ZFHX3: variants seen among roughly 807,000 people sequenced by gnomAD.
ZFHX3 encodes zinc finger homeobox protein 3.
A neutral mutation model predicts 279.1 loss-of-function variants in ZFHX3; 42 were observed. The ratio of observed to expected loss-of-function variants is 0.15; its 90% confidence interval spans 0.12 to 0.19. ZFHX3 has a LOEUF of 0.19. ZFHX3 is among the 10% of genes least tolerant of loss of function. The pLI is 1.00. For missense variants in ZFHX3, 4,981 were observed against 4,754.0 expected (o/e 1.05, Z -1.40); for synonymous variants, 2,293 against 1,957.8 (o/e 1.17, Z -4.52).
intron 3 of ZFHX3, among the ~76,000 whole-genome samples, chr16:73,379,293 C>G (rs2016779308): frequency 6.6e-6 from 1 of 152,096 alleles, no homozygotes; most frequent in African/African-American, 2.4e-5. Context: ...TCTGGAATGC[C>G]TTGGCTTTTT....
chr16:73,386,464 G>A (rs2016904708), intron 3 of ZFHX3, among the ~76,000 whole-genome samples: 1 of 152,088 alleles, frequency 6.6e-6, no homozygotes, highest in African/African-American at 2.4e-5. Context: ...GATGAGATAA[G>A]GCATATAGTG....
intron 3 of ZFHX3, among the ~76,000 whole-genome samples, chr16:73,422,520 C>T: frequency 6.6e-6 from 1 of 152,172 alleles, no homozygotes; most frequent in East Asian, 1.9e-4. Context: ...AATAAAGAGA[C>T]TTTTCCCCAA....
chr16:73,368,843 T>C lies in ZFHX3; in HGVS notation c.-1290-50507A>G, dbSNP rs556466609. ...ACAATTAACTCATGGAGGCAATTAT[T>C]ACCAGCCCCATTTTACTGGTAAGGA... On this transcript the variant is annotated intron_variant, in intron 3 of 17. Transcript: ENST00000641206. Among the ~76,000 whole-genome samples, 7 of 152,338 alleles carry C rather than the reference T, an allele frequency of 4.6e-5. No individual in the cohort carries two copies. In the East Asian group the frequency reaches 7.7e-4, roughly 17 times the overall value.
chr16:73,324,211 G>T (rs189776688), intron 3 of ZFHX3, among the ~76,000 whole-genome samples: 81 of 152,264 alleles, frequency 5.3e-4, no homozygotes, highest in African/African-American at 1.9e-3. Context: ...AAATTCACCT[G>T]GGATTTGTCT....
intron 1 of ZFHX3, among the ~76,000 whole-genome samples, chr16:73,682,685 G>A (rs560055644): frequency 3.3e-5 from 5 of 151,880 alleles, no homozygotes; most frequent in African/African-American, 1.2e-4. Context: ...TACTCGGGAG[G>A]CTGAGGCAGG....
chr16:73,837,114 G>C (rs1243461543), intron 1 of ZFHX3, among the ~76,000 whole-genome samples: 1 of 152,172 alleles, frequency 6.6e-6, no homozygotes, highest in African/African-American at 2.4e-5. Context: ...AATAGAGTAA[G>C]ACAAAGATGG....
chr16:73,888,306 C>T (rs79361179), intron 1 of ZFHX3, among the ~76,000 whole-genome samples: 16,342 of 144,490 alleles, frequency 0.11, 1,170 homozygotes, highest in Middle Eastern at 0.22. Context: ...CCCTCCCCTT[C>T]CCCCCACGGA....
At chr16:73,713,638 T>C (rs1021565620) in intron 1 of ZFHX3, among the ~76,000 whole-genome samples, 1 of 152,026 alleles carries the variant, frequency 6.6e-6, no homozygotes, top group Non-Finnish European at 1.5e-5. Flanking sequence ...CTTTTTTTTT[T>C]TTTTTATACT....
At chr16:73,309,462 C>G (rs1296931968) in intron 4 of ZFHX3, among the ~76,000 whole-genome samples, 2 of 152,126 alleles carry the variant, frequency 1.3e-5, no homozygotes, top group East Asian at 3.8e-4. Flanking sequence ...ACCACAATTT[C>G]TTTATGGAGT....
chr16:73,734,193 A>G (rs1174760129), intron 1 of ZFHX3, among the ~76,000 whole-genome samples: 1 of 152,124 alleles, frequency 6.6e-6, no homozygotes, highest in African/African-American at 2.4e-5. Flanking sequence ...CCACCCTCCC[A>G]CTTCCTGCTG....
At chr16:72,790,417 G>A (rs918806236) in intron 9 of ZFHX3, 2 of 152,174 alleles carry the variant, frequency 1.3e-5, no homozygotes, top group African/African-American at 2.4e-5. Context: ...AGCTGGGGAA[G>A]GAGTTCCATA....
At chr16:73,689,072 A>G (rs2053120803) in intron 1 of ZFHX3, among the ~76,000 whole-genome samples, 1 of 152,228 alleles carries the variant, frequency 6.6e-6, no homozygotes, top group Non-Finnish European at 1.5e-5. Context: ...ATGGCCAAAC[A>G]AAACTTACTG....
At chr16:73,369,555 C>A (rs1044041177) in intron 3 of ZFHX3, among the ~76,000 whole-genome samples, 63 of 152,150 alleles carry the variant, frequency 4.1e-4, no homozygotes, top group African/African-American at 1.2e-3. Flanking sequence ...TCCTGCCTCA[C>A]AGGTTATAGG....
intron 3 of ZFHX3, among the ~76,000 whole-genome samples, chr16:73,449,760 T>C (rs1393828857): frequency 6.6e-6 from 1 of 152,180 alleles, no homozygotes; most frequent in Non-Finnish European, 1.5e-5. Context: ...TCTCATCTTT[T>C]AAGCAAGGAG....
chr16:72,820,758 G>A (rs965883439), intron 5 of ZFHX3, among the ~76,000 whole-genome samples: 2 of 152,300 alleles, frequency 1.3e-5, no homozygotes, highest in Non-Finnish European at 2.9e-5. Flanking sequence ...ACGCTTCCCT[G>A]TGGCTTTATT....
rs1409628716 is a variant in ZFHX3 at position 72,796,497 on chromosome 16, G to A, written c.6185C>T (p.Pro2062Leu). Residue 2062 changes from proline (P) to leucine (L), a missense_variant, in exon 9 of 10, where the codon CCA becomes CTA. Pro to Leu is a moderately conservative substitution (Grantham distance 98). Around this residue, in one of 7 missense-constraint regions of ZFHX3, gnomAD observed 1,751 missense variants for 1,770.0 expected, o/e 0.99. Coordinates refer to ENST00000268489, the MANE Select transcript of ZFHX3 (RefSeq NM_006885.4). The stretch of plus-strand genomic sequence containing the variant: ...GGGTGGGGCTGATGCGGGGATGGCT[G>A]GTGTGGACGCCGGCTGAGGCGGCGC... ...PAAPPQPASTPAIPASAPPIT... is the reference protein window; with the variant it reads ...PAAPPQPASTLAIPASAPPIT... The A allele has an allele frequency of 2.5e-6, 4 of 1,608,424 alleles. No individual in the cohort carries two copies. The highest frequency in any genetic ancestry group is 2.2e-5 in the East Asian group (1 of 44,716).
intron 1 of ZFHX3, among the ~76,000 whole-genome samples, chr16:73,781,367 C>T (rs1443125788): frequency 1.3e-5 from 2 of 152,176 alleles, no homozygotes; most frequent in Admixed American, 1.3e-4. Context: ...TAACAAGTTC[C>T]CAGGTCACGT....
intron 1 of ZFHX3, among the ~76,000 whole-genome samples, chr16:73,872,320 C>T (rs1027090346): frequency 1.3e-5 from 2 of 152,044 alleles, no homozygotes; most frequent in African/African-American, 2.4e-5. Context: ...TGGCTCACTG[C>T]AGCCTCCACC....
intron 2 of ZFHX3, among the ~76,000 whole-genome samples, chr16:73,513,772 G>A (rs2019473550): frequency 1.3e-5 from 2 of 152,106 alleles, no homozygotes; most frequent in Non-Finnish European, 2.9e-5. Context: ...GAGACTTACG[G>A]ATGGACTTAT....
Sources: allele counts gnomAD v4.1 joint callset (sites outside exome capture counted in the v4.1 genomes callset), GRCh38; gene constraint gnomAD v4.1.1; regional missense constraint gnomAD v4.1.1; transcripts MANE v1.5; gene names NCBI Gene and HGNC (gene_info 2026-07-23, HGNC 2026-07-21).